ADGRL3: variants seen among roughly 807,000 people sequenced by gnomAD.
The protein encoded by ADGRL3 is adhesion G protein-coupled receptor L3.
In ADGRL3, 62 loss-of-function variants were observed where a neutral mutation model predicts 153.5. The observed-to-expected ratio is 0.40, with a 90% confidence interval of 0.33 to 0.50. The LOEUF (loss-of-function observed/expected upper bound fraction) is 0.50. Among genes scored for constraint, ADGRL3 ranks in the 20% least tolerant of loss-of-function variants. ADGRL3 has a pLI of 0.47. For missense variants in ADGRL3, 1,641 were observed against 1,859.4 expected (o/e 0.88, Z 2.16); for synonymous variants, 710 against 672.5 (o/e 1.06, Z -0.86).
At chr4:61,693,142 A>T (rs769064342) in intron 6 of ADGRL3, among the ~76,000 whole-genome samples, 5 of 152,118 alleles carry the variant, frequency 3.3e-5, no homozygotes, top group Non-Finnish European at 5.9e-5. Context: ...AGGCTTAATG[A>T]TCTCCACTTT....
intron 1 of ADGRL3, among the ~76,000 whole-genome samples, chr4:61,239,362 A>G (rs1331657166): frequency 6.6e-6 from 1 of 152,170 alleles, no homozygotes; most frequent in Admixed American, 6.6e-5. Flanking sequence ...AACTTTAGCC[A>G]TTAGTATTCA....
At chr4:62,013,702 A>G (rs1196074419) in intron 21 of ADGRL3, among the ~76,000 whole-genome samples, 1 of 151,868 alleles carries the variant, frequency 6.6e-6, no homozygotes, top group African/African-American at 2.4e-5. Flanking sequence ...ATTCTGGCCA[A>G]TGTGGTGAAA....
intron 13 of ADGRL3, among the ~76,000 whole-genome samples, chr4:61,917,925 T>C (rs140846611): frequency 4.5e-4 from 69 of 152,270 alleles, no homozygotes; most frequent in Admixed American, 2.4e-3. Context: ...CAGATTCTGA[T>C]AGATCATTGT....
intron 25 of ADGRL3, among the ~76,000 whole-genome samples, chr4:62,045,739 G>A (rs1217166873): frequency 6.6e-6 from 1 of 151,930 alleles, no homozygotes; most frequent in Non-Finnish European, 1.5e-5. Context: ...ATAAACTAGT[G>A]ATGATTTAAA....
chr4:61,552,847 G>A (rs1367406649), intron 4 of ADGRL3, among the ~76,000 whole-genome samples: 3 of 152,014 alleles, frequency 2.0e-5, no homozygotes, highest in African/African-American at 7.2e-5. Flanking sequence ...TCCCTGTCTA[G>A]CTTATTTCTT....
intron 3 of ADGRL3, among the ~76,000 whole-genome samples, chr4:61,515,733 A>C (rs748116039): frequency 2.0e-5 from 3 of 152,198 alleles, no homozygotes; most frequent in Non-Finnish European, 4.4e-5. Flanking sequence ...ATTTTCTTCC[A>C]TAGAGTAGTA....
chr4:61,281,887 TCAA>T (rs2093737243), intron 1 of ADGRL3, among the ~76,000 whole-genome samples: 1 of 152,130 alleles, frequency 6.6e-6, no homozygotes, highest in South Asian at 2.1e-4. Context: ...GTTTATCTCA[TCAA>T]CATCATCTTT....
intron 5 of ADGRL3, among the ~76,000 whole-genome samples, chr4:61,640,401 T>C (rs1036639726): frequency 7.9e-5 from 12 of 152,120 alleles, no homozygotes; most frequent in Non-Finnish European, 1.6e-4. Flanking sequence ...AGATCCCTGT[T>C]TACATATTTA....
chr4:61,915,915 T>A (rs2098743139), intron 13 of ADGRL3, among the ~76,000 whole-genome samples: 1 of 152,220 alleles, frequency 6.6e-6, no homozygotes, highest in African/African-American at 2.4e-5. Flanking sequence ...TAATTGTTTT[T>A]TTTTTAATAT....
intron 4 of ADGRL3, among the ~76,000 whole-genome samples, chr4:61,534,109 C>T (rs2098640363): frequency 6.6e-6 from 1 of 151,964 alleles, no homozygotes; most frequent in Non-Finnish European, 1.5e-5. Flanking sequence ...TTTTATCCAT[C>T]TTAATTTTTC....
chr4:61,497,510 CTTTTCT>C (rs1440573743), intron 3 of ADGRL3, among the ~76,000 whole-genome samples, 162 bp downstream of exon 3: 1 of 119,506 alleles, frequency 8.4e-6, no homozygotes, highest in African/African-American at 3.0e-5. Context: ...ATTTCCTTTT[CTTTTCT>C]TTTTTTTTTT....
chr4:62,057,998 T>C (rs1207916264), intron 25 of ADGRL3, among the ~76,000 whole-genome samples: 1 of 152,144 alleles, frequency 6.6e-6, no homozygotes, highest in African/African-American at 2.4e-5. Context: ...TATGTTGTAA[T>C]TGAATCTTAA....
intron 2 of ADGRL3, among the ~76,000 whole-genome samples, chr4:61,408,043 G>A (rs946950217): frequency 6.6e-6 from 1 of 152,026 alleles, no homozygotes; most frequent in South Asian, 2.1e-4. Context: ...GGGGCTTCTG[G>A]CAGGGGCTGG....
intron 2 of ADGRL3, among the ~76,000 whole-genome samples, chr4:61,484,401 G>T (rs1409322291): frequency 6.6e-6 from 1 of 152,144 alleles, no homozygotes; most frequent in Non-Finnish European, 1.5e-5. Context: ...CCTTAGTTAG[G>T]TCATCACTGC....
At chr4:61,801,005 T>C (rs1434457659) in intron 8 of ADGRL3, among the ~76,000 whole-genome samples, 11 of 152,192 alleles carry the variant, frequency 7.2e-5, no homozygotes, top group Non-Finnish European at 1.3e-4. Flanking sequence ...TTTGATCAGG[T>C]TGAAAAGATC....
At chr4:61,621,095 T>TA (rs2092478319) in intron 5 of ADGRL3, among the ~76,000 whole-genome samples, 2 of 152,204 alleles carry the variant, frequency 1.3e-5, no homozygotes, top group Admixed American at 1.3e-4. Context: ...TTAGAGGACT[T>TA]ACCTTATGGA....
At chr4:61,933,314 C>CT (rs1192560097) in intron 13 of ADGRL3, among the ~76,000 whole-genome samples, 9 of 151,896 alleles carry the variant, frequency 5.9e-5, no homozygotes, top group African/African-American at 1.9e-4. Context: ...TCTGGCACCT[C>CT]TTTTTTTGGC....
At chr4:61,700,054 T>G (rs2095722683) in intron 6 of ADGRL3, among the ~76,000 whole-genome samples, 1 of 151,904 alleles carries the variant, frequency 6.6e-6, no homozygotes, top group Non-Finnish European at 1.5e-5. Context: ...CAGAAAACCA[T>G]TACTTGAGGA....
At chr4:61,437,383 A>G (rs544213945) in intron 2 of ADGRL3, among the ~76,000 whole-genome samples, 1 of 152,334 alleles carries the variant, frequency 6.6e-6, no homozygotes, top group South Asian at 2.1e-4. Context: ...CATATTACTG[A>G]CAGTGAAGGA....
Sources: allele counts gnomAD v4.1 joint callset (sites outside exome capture counted in the v4.1 genomes callset), GRCh38; gene constraint gnomAD v4.1.1; transcripts MANE v1.5; gene names NCBI Gene and HGNC (gene_info 2026-07-23, HGNC 2026-07-21).